Variants in PDE12 observed in about 807,000 individuals in gnomAD.
PDE12 encodes the protein 2',5'-phosphodiesterase 12.
A neutral mutation model predicts 45.4 loss-of-function variants in PDE12; 26 were observed. That is an observed-to-expected ratio of 0.57 (90% CI 0.42 to 0.79). The LOEUF (loss-of-function observed/expected upper bound fraction) is 0.79. PDE12 is among the 30% of genes least tolerant of loss of function. The pLI is 0.00. For synonymous variants in PDE12, 283 were observed against 323.9 expected, an observed-to-expected ratio of 0.87 and a Z score of 1.36; for missense variants, 668 against 790.0, an observed-to-expected ratio of 0.85 and a Z score of 1.85.
the PDE12 span, among the ~76,000 whole-genome samples, chr3:57,634,201 G>A: frequency 6.6e-6 from 1 of 152,048 alleles, no homozygotes; most frequent in African/African-American, 2.4e-5. Context: ...GGGAGACCGA[G>A]GTGGGCGTAT....
Position 57,560,305 on chromosome 3 carries a change from T to C in PDE12, c.*301T>C. On this transcript the variant is annotated 3_prime_UTR_variant, in exon 3 of 3. Coordinates refer to ENST00000311180, the MANE Select transcript of PDE12 (RefSeq NM_177966.7). ...AAAAGGAAGATTGAATTAGCGTGTTTTTTGTTTGTTTGTTTTTGTTTTTGT... is the reference window on the plus strand; with the variant it reads ...AAAAGGAAGATTGAATTAGCGTGTTCTTTGTTTGTTTGTTTTTGTTTTTGT... 1 of 1,136,144 alleles carries C rather than the reference T, an allele frequency of 8.8e-7. No homozygotes were observed. The highest frequency in any genetic ancestry group is 1.1e-6 in the Non-Finnish European group (1 of 925,182). 70.4% of individuals were successfully genotyped at this position (1,136,144 alleles called of 1,614,324 possible).
At chr3:57,587,774 CATA>C in the PDE12 span, among the ~76,000 whole-genome samples, 4 of 151,998 alleles carry the variant, frequency 2.6e-5, no homozygotes, top group Non-Finnish European at 5.9e-5. Flanking sequence ...ATAATGCGCC[CATA>C]ATGACTTTTA....
chr3:57,604,240 C>T, the PDE12 span, among the ~76,000 whole-genome samples: 1 of 152,068 alleles, frequency 6.6e-6, no homozygotes, highest in Non-Finnish European at 1.5e-5. Flanking sequence ...TTTAATGTAT[C>T]ACAGTTACTT....
the PDE12 span, among the ~76,000 whole-genome samples, chr3:57,595,401 C>T: frequency 2.8e-4 from 42 of 152,320 alleles, no homozygotes; most frequent in African/African-American, 9.6e-4. Context: ...CTTTTTCAGA[C>T]TGCCAACTTT....
the PDE12 span, chr3:57,577,462 T>C: frequency 8.9e-7 from 1 of 1,119,574 alleles, no homozygotes; most frequent in Admixed American, 1.9e-5. Flanking sequence ...GGCAGCAAAA[T>C]GGTACCAATG....
At chr3:57,584,567 G>C in the PDE12 span, 1 of 983,184 alleles carries the variant, frequency 1.0e-6, no homozygotes, top group Non-Finnish European at 1.6e-6. Flanking sequence ...GACTGTTCAA[G>C]ACAACTTCTA....
chr3:57,613,527 T>C, the PDE12 span, among the ~76,000 whole-genome samples: 1 of 151,116 alleles, frequency 6.6e-6, no homozygotes, highest in African/African-American at 2.4e-5. Context: ...CTCCTGACCT[T>C]GTGATCTGTC....
At chr3:57,594,814 T>G in the PDE12 span, among the ~76,000 whole-genome samples, 1 of 152,228 alleles carries the variant, frequency 6.6e-6, no homozygotes, top group Non-Finnish European at 1.5e-5. Context: ...AAGTGATCTA[T>G]TATTTTTGCT....
the PDE12 span, among the ~76,000 whole-genome samples, chr3:57,617,536 A>G: frequency 6.6e-6 from 1 of 152,208 alleles, no homozygotes. Flanking sequence ...TATTCACAAT[A>G]GCAAAGACAT....
chr3:57,578,762 A>T, the PDE12 span, among the ~76,000 whole-genome samples: 1 of 152,134 alleles, frequency 6.6e-6, no homozygotes, highest in Admixed American at 6.5e-5. Flanking sequence ...TACAGGCATG[A>T]GCCATGGCAC....
chr3:57,612,247 G>T, the PDE12 span, among the ~76,000 whole-genome samples: 1 of 112,512 alleles, frequency 8.9e-6, no homozygotes, highest in Non-Finnish European at 1.7e-5. Context: ...GTTGTGGGGT[G>T]GGGGGAGGGG....
At chr3:57,656,487 A>G in the PDE12 span, among the ~76,000 whole-genome samples, 1 of 152,170 alleles carries the variant, frequency 6.6e-6, no homozygotes, top group Non-Finnish European at 1.5e-5. Context: ...TACTATATAG[A>G]CATTTGCATA....
At chr3:57,577,226 T>C in the PDE12 span, 1 of 1,062,494 alleles carries the variant, frequency 9.4e-7, no homozygotes, top group Non-Finnish European at 1.4e-6. Flanking sequence ...ATTTGTGTAA[T>C]CTAATCATAG....
the PDE12 span, among the ~76,000 whole-genome samples, chr3:57,616,351 A>AAGG: frequency 8.7e-5 from 13 of 149,290 alleles, no homozygotes; most frequent in South Asian, 2.2e-4. Flanking sequence ...AGAAGAAGAA[A>AAGG]AGGAGGAGGA....
chr3:57,592,187 A>C, the PDE12 span, among the ~76,000 whole-genome samples: 1 of 152,090 alleles, frequency 6.6e-6, no homozygotes, highest in African/African-American at 2.4e-5. Flanking sequence ...TCTGGTGGAC[A>C]TACTGTATCT....
chr3:57,572,156 T>TAAC, the PDE12 span: 2 of 1,400,788 alleles, frequency 1.4e-6, no homozygotes, highest in Non-Finnish European at 2.0e-6. Flanking sequence ...AATTTTGTTG[T>TAAC]AACAAGCCTA....
At chr3:57,613,449 G>A in the PDE12 span, among the ~76,000 whole-genome samples, 6 of 151,398 alleles carry the variant, frequency 4.0e-5, no homozygotes, top group East Asian at 2.0e-4. Context: ...GCCTGCCACC[G>A]CACCTGGGTA....
chr3:57,632,166 C>T, the PDE12 span, among the ~76,000 whole-genome samples: 1 of 150,672 alleles, frequency 6.6e-6, no homozygotes, highest in East Asian at 2.0e-4. Flanking sequence ...ACTACAGGTG[C>T]GTGCCACCAT....
At chr3:57,574,266 A>G in the PDE12 span, among the ~76,000 whole-genome samples, 2 of 151,896 alleles carry the variant, frequency 1.3e-5, no homozygotes, top group Admixed American at 6.6e-5. Flanking sequence ...TGTTTGTTTC[A>G]TTTTTTACCA....
Sources: gnomAD v4.1 joint callset for allele counts (sites outside exome capture counted in the v4.1 genomes callset) on GRCh38, gnomAD v4.1.1 for gene constraint, MANE v1.5 for transcripts, NCBI Gene and HGNC (gene_info 2026-07-23, HGNC 2026-07-21) for gene names.